The following ITGAV variants were observed in gnomAD, a reference collection of about 807,000 sequenced individuals.
The protein encoded by ITGAV is integrin subunit alpha V, also known as integrin alpha-V.
In ITGAV, 76 loss-of-function variants were observed where a neutral mutation model predicts 143.8. The observed-to-expected ratio is 0.53, with a 90% CI of 0.44 to 0.64. The LOEUF (loss-of-function observed/expected upper bound fraction) is 0.64. Ranked by LOEUF, ITGAV falls within the 30% of genes least tolerant of loss-of-function variation. The pLI is 0.00. For missense variants in ITGAV, 1,193 were observed against 1,274.7 expected (o/e 0.94, Z 0.98); for synonymous variants, 453 against 446.7 (o/e 1.01, Z -0.18).
Position 186,594,952 on chromosome 2 carries a change from T to C in ITGAV, c.185+4429T>C, listed in dbSNP as rs549067413. 1.3e-4 allele frequency among the ~76,000 whole-genome samples: 20 copies of C among 152,246 alleles called. 1 individual carries two copies. The Middle Eastern group carries it at 0.034, about 259-fold the overall frequency. ...TATATTACTTCTGATTAAGGACATA[T>C]GATGTTTCATAGAGCATTATGAAAG... On this transcript the variant is annotated intron_variant, in intron 1 of 29. Transcript: ENST00000261023.
At chr2:186,600,434 C>A in intron 1 of ITGAV, 1 of 1,534,952 alleles carries the variant, frequency 6.5e-7, no homozygotes, top group Non-Finnish European at 8.8e-7. Flanking sequence ...AGAGAACTTT[C>A]TTCCCCATTC....
At chr2:186,656,192 G>T in intron 16 of ITGAV, 55 bp from the exon 17 acceptor site, 1 of 1,333,960 alleles carries the variant, frequency 7.5e-7, no homozygotes. Flanking sequence ...TCTAGAGTAG[G>T]ATAGATAGAT....
intron 4 of ITGAV, among the ~76,000 whole-genome samples, chr2:186,630,379 G>A (rs182840401): frequency 6.6e-6 from 1 of 151,242 alleles, no homozygotes; most frequent in African/African-American, 2.4e-5. Context: ...AAAAAAGAAT[G>A]AAATAAAATA....
chr2:186,605,713 C>T (rs1238217701), intron 2 of ITGAV, among the ~76,000 whole-genome samples: 1 of 148,946 alleles, frequency 6.7e-6, no homozygotes, highest in Non-Finnish European at 1.5e-5. Context: ...AAGGAAATAA[C>T]TAAAGTCCTT....
At chr2:186,590,637 C>G in intron 1 of ITGAV, 114 bp downstream of exon 1, 2 of 947,968 alleles carry the variant, frequency 2.1e-6, no homozygotes, top group Non-Finnish European at 3.1e-6. Flanking sequence ...TCTGTCTCAC[C>G]CATCCTACCT....
At chr2:186,634,893 G>A (rs1183973363) in intron 6 of ITGAV, among the ~76,000 whole-genome samples, 1 of 151,978 alleles carries the variant, frequency 6.6e-6, no homozygotes, top group Non-Finnish European at 1.5e-5. Flanking sequence ...AGCATGCCTG[G>A]GAACCAAAAC....
At chr2:186,670,000 C>T (rs896340845) in intron 26 of ITGAV, 186 bp downstream of exon 26, 2 of 544,830 alleles carry the variant, frequency 3.7e-6, no homozygotes, top group Non-Finnish European at 3.2e-6. Context: ...TTCAAATGAG[C>T]TATTTTTGTA....
rs545687995 is a variant in ITGAV at position 186,633,247 on chromosome 2, A to G, written c.586-82A>G. Reference sequence around the variant, plus strand: ...CAGTCATGTATACATATACATATATATCTTATGTTTTTCATTGATTTCTAT... The same window carrying G: ...CAGTCATGTATACATATACATATATGTCTTATGTTTTTCATTGATTTCTAT... On this transcript the variant is annotated intron_variant, in intron 5 of 29. Coordinates refer to ENST00000261023, the MANE Select transcript of ITGAV (RefSeq NM_002210.5). 3.2e-4 allele frequency: 251 copies of G among 776,300 alleles called. 2 individuals carry two copies. In the African/African-American group the frequency reaches 3.8e-3, roughly 12 times the overall value. 48.1% of individuals were successfully genotyped at this position (776,300 alleles called of 1,614,324 possible). A position where few individuals can be genotyped will look rare whatever the true frequency, so the allele number is the denominator to read the frequency against.
intron 5 of ITGAV, among the ~76,000 whole-genome samples, chr2:186,631,325 T>G (rs1220118293): frequency 6.6e-6 from 1 of 152,202 alleles, no homozygotes; most frequent in East Asian, 1.9e-4. Flanking sequence ...CTGACTTCAC[T>G]TATGTAATGT....
intron 10 of ITGAV, among the ~76,000 whole-genome samples, chr2:186,639,178 A>G (rs750066735): frequency 2.5e-4 from 38 of 152,238 alleles, no homozygotes; most frequent in Non-Finnish European, 4.6e-4. Context: ...CTGCGAGTAC[A>G]GGCATTTTAT....
In ITGAV at chr2:186,659,082, T is replaced by C; in HGVS notation, c.1764T>C (p.Phe588=). 1 of 1,610,900 alleles carries C rather than the reference T, an allele frequency of 6.2e-7. No homozygotes were observed. Among genetic ancestry groups the C allele is most frequent in the Non-Finnish European group, 8.5e-7 (1 of 1,177,286 alleles). ...ACAAACTCACTCCAATTACTATTTTTATGGAATATCGGTTGGATTATAGAA... is the reference window on the plus strand; with the variant it reads ...ACAAACTCACTCCAATTACTATTTTCATGGAATATCGGTTGGATTATAGAA... ...FRDKLTPITI[F]MEYRLDYRTA... is the part of the protein sequence containing the mutation. The change falls in exon 18 of 30, where the codon TTT becomes TTC. Residue 588 remains phenylalanine, a synonymous_variant. Coordinates refer to ENST00000261023, the MANE Select transcript of ITGAV (RefSeq NM_002210.5).
rs1422032105 is a variant in ITGAV, at chr2:186,679,527, T to A, written c.*2235T>A. On this transcript the variant is annotated 3_prime_UTR_variant, in exon 30 of 30. Coordinates refer to ENST00000261023, the MANE Select transcript of ITGAV (RefSeq NM_002210.5). ...TTTATCATGATTAAATATCAAAAAA[T>A]TGCCCTATGAAAACTTTAAATCTCT... is the stretch of plus-strand genomic sequence containing the variant. 6.6e-6 allele frequency: 1 copy of A among 151,878 alleles called. No homozygotes were observed. Among genetic ancestry groups the A allele is most frequent in the Non-Finnish European group, 1.5e-5 (1 of 67,844 alleles). The allele number at this position is 151,878 out of a possible 1,614,324, so 9.4% of individuals were successfully genotyped here. A position where few individuals can be genotyped will look rare whatever the true frequency, so the allele number is the denominator to read the frequency against.
chr2:186,604,858 G>T (rs1233093884), intron 2 of ITGAV, among the ~76,000 whole-genome samples: 11 of 152,104 alleles, frequency 7.2e-5, no homozygotes, highest in Admixed American at 3.9e-4. Context: ...CATCCTTTCA[G>T]TGTTTAGGCC....
At chr2:186,659,300 G>T in intron 18 of ITGAV, 125 bp downstream of exon 18, 2 of 667,218 alleles carry the variant, frequency 3.0e-6, no homozygotes, top group South Asian at 6.3e-5. Flanking sequence ...CAGAAGTTTA[G>T]GAATCTGAAT....
Position 186,678,481 on chromosome 2 carries a change from T to C in ITGAV, c.*1189T>C, listed in dbSNP as rs184002540. On this transcript the variant is annotated 3_prime_UTR_variant, in exon 30 of 30. Coordinates refer to ENST00000261023, the MANE Select transcript of ITGAV (RefSeq NM_002210.5). ...TTACCTCTGTTTAAGCAAGGTAATGTGTAAAATCAGTCTCGGCTGTCAGAA... is the reference window on the plus strand; with the variant it reads ...TTACCTCTGTTTAAGCAAGGTAATGCGTAAAATCAGTCTCGGCTGTCAGAA... The C allele has an allele frequency of 8.6e-6, 2 of 232,942 alleles. No homozygotes were observed. Among genetic ancestry groups the C allele is most frequent in the African/African-American group, 4.6e-5 (2 of 43,028 alleles). The allele number at this position is 232,942 out of a possible 1,614,324, so 14.4% of individuals were successfully genotyped here.
chr2:186,597,940 G>C (rs1294723888), intron 1 of ITGAV, among the ~76,000 whole-genome samples: 1 of 152,170 alleles, frequency 6.6e-6, no homozygotes, highest in Non-Finnish European at 1.5e-5. Flanking sequence ...ACTGCTGTGA[G>C]CTACTATTTG....
At chr2:186,644,731 C>G (rs563773607) in intron 12 of ITGAV, among the ~76,000 whole-genome samples, 67 of 152,080 alleles carry the variant, frequency 4.4e-4, no homozygotes, top group Admixed American at 2.8e-3. Context: ...GCAGGCCAGG[C>G]ACTCTTCTAG....
chr2:186,654,840 A>T, intron 16 of ITGAV, 132 bp downstream of exon 16: 1 of 522,304 alleles, frequency 1.9e-6, no homozygotes, highest in Non-Finnish European at 3.4e-6. Context: ...ATGCTTAAAG[A>T]CATTTAAGAT....
chr2:186,674,464 T>A (rs2105753711), intron 26 of ITGAV, among the ~76,000 whole-genome samples: 1 of 152,306 alleles, frequency 6.6e-6, no homozygotes, highest in South Asian at 2.1e-4. Context: ...TCCTGTCATC[T>A]ACAAAGAGAT....
Sources: allele counts gnomAD v4.1 joint callset (sites outside exome capture counted in the v4.1 genomes callset), GRCh38; gene constraint gnomAD v4.1.1; transcripts MANE v1.5; gene names NCBI Gene and HGNC (gene_info 2026-07-23, HGNC 2026-07-21).